FAM83A: variants seen among roughly 807,000 people sequenced by gnomAD.
The protein encoded by FAM83A is protein FAM83A.
FAM83A carries 21 observed loss-of-function variants against 24.4 expected under a neutral mutation model. That is an observed-to-expected ratio of 0.86 (90% CI 0.61 to 1.24). The LOEUF (loss-of-function observed/expected upper bound fraction) is 1.24, where lower values mean the gene tolerates loss of function less well. Among genes scored for constraint, FAM83A ranks in the 50% most tolerant of loss-of-function variants. The pLI is 0.00. For synonymous variants in FAM83A, 270 were observed against 252.4 expected, an observed-to-expected ratio of 1.07 and a Z score of -0.66; for missense variants, 617 against 579.8, an observed-to-expected ratio of 1.06 and a Z score of -0.66.
chr8:123,208,636 TG>T, exon 4 of FAM83A: 1 of 985,540 alleles, frequency 1.0e-6, no homozygotes, highest in Non-Finnish European at 1.2e-6. Flanking sequence ...TCTTTGTTTC[TG>T]GGGTGGAACT....
chr8:123,183,344 TG>T lies in FAM83A; in HGVS notation c.480+10del. The stretch of plus-strand genomic sequence containing the variant: ...ATCACCCGGACTAGCCAGGTACCGA[TG>T]GCAAAGCCCCTGTCTCCGTGGCCAA... On this transcript the variant is annotated intron_variant, in intron 1 of 3. Transcript: ENST00000690554. 6.2e-7 allele frequency: 1 copy of T among 1,604,064 alleles called. No homozygotes were observed. Among genetic ancestry groups the T allele is most frequent in the Non-Finnish European group, 8.5e-7 (1 of 1,173,852 alleles).
At chr8:123,199,463 G>A (rs896239086) in intron 3 of FAM83A, among the ~76,000 whole-genome samples, 22 of 152,086 alleles carry the variant, frequency 1.4e-4, no homozygotes, top group Admixed American at 3.9e-4. Context: ...GACCAGGCGC[G>A]GTGGCTCACG....
chr8:123,203,606 A>AG (rs1419501853), intron 3 of FAM83A, among the ~76,000 whole-genome samples: 1 of 148,448 alleles, frequency 6.7e-6, no homozygotes, highest in Non-Finnish European at 1.5e-5. Context: ...AAAAAAAAAA[A>AG]AAGTAAGAAA....
chr8:123,206,892 C>G (rs1824568312), intron 3 of FAM83A, among the ~76,000 whole-genome samples: 1 of 152,022 alleles, frequency 6.6e-6, no homozygotes, highest in Non-Finnish European at 1.5e-5. Flanking sequence ...GGGCCTGGGC[C>G]GGCGAAGCCT....
At chr8:123,207,968 T>C in exon 4 of FAM83A, 2 of 1,215,970 alleles carry the variant, frequency 1.6e-6, no homozygotes, top group Non-Finnish European at 2.0e-6. Context: ...AGAGTCCCTG[T>C]CTTCCAGAGA....
At chr8:123,207,351 G>A (rs1433945291) in exon 4 of FAM83A, 1 of 1,611,464 alleles carries the variant, frequency 6.2e-7, no homozygotes, top group African/African-American at 1.3e-5. Flanking sequence ...AGCAGCAGCA[G>A]TGGCTCCGCC....
chr8:123,209,282 C>T lies in FAM83A; in HGVS notation c.*1594C>T, dbSNP rs1453134402. ...CCCCTGACGGCCTGTGGCATCCTCC[C>T]TAGTCCCCTCTGCCCATCCATCCCT... is the stretch of plus-strand genomic sequence containing the variant. On this transcript the variant is annotated 3_prime_UTR_variant, in exon 4 of 4. Transcript: ENST00000690554. This position sits in a 1 kb window ranked among gnomAD's most constrained non-coding sequence, Gnocchi z 4.7. 3.0e-6 allele frequency: 4 copies of T among 1,350,036 alleles called. No homozygotes were observed. Among genetic ancestry groups the T allele is most frequent in the Non-Finnish European group, 3.8e-6 (4 of 1,060,086 alleles). 83.6% of individuals were successfully genotyped at this position (1,350,036 alleles called of 1,614,324 possible).
chr8:123,183,603 C>T (rs761274940), intron 1 of FAM83A, among the ~76,000 whole-genome samples: 4 of 152,058 alleles, frequency 2.6e-5, no homozygotes, highest in African/African-American at 7.2e-5. Flanking sequence ...TGATCCCCAG[C>T]GTCACAGTCT....
chr8:123,194,204 G>A, intron 3 of FAM83A, 56 bp downstream of exon 3: 1 of 1,602,170 alleles, frequency 6.2e-7, no homozygotes, highest in Non-Finnish European at 8.5e-7. Flanking sequence ...GGCTGAGTGA[G>A]GTGCAGACCA....
chr8:123,207,553 C>T (rs1824601793), exon 4 of FAM83A: 2 of 1,543,414 alleles, frequency 1.3e-6, no homozygotes, highest in Non-Finnish European at 8.7e-7. Flanking sequence ...CGCGGCCCCA[C>T]GACGGCCCGC....
At position 123,207,480 on chromosome 8, in the gene FAM83A, C is replaced by A. The variant is rs777524763; in HGVS notation, c.1097C>A (p.Pro366Gln). ...CCCGCGGCCCCACACCCGCCTCCAC[C>A]GCCCCGGTTCCAGCCCCACCAAGGC... The change falls in exon 4 of 4, where the codon CCG (proline) becomes CAG (glutamine). Residue 366 changes from proline (P) to glutamine (Q), a missense_variant. Coordinates refer to ENST00000690554, the Ensembl canonical transcript of FAM83A. 3.2e-6 allele frequency: 5 copies of A among 1,585,172 alleles called. No homozygotes were observed. The highest frequency in any genetic ancestry group is 1.3e-5 in the African/African-American group (1 of 74,546).
chr8:123,189,120 A>C (rs999961802), intron 1 of FAM83A, among the ~76,000 whole-genome samples: 1 of 152,270 alleles, frequency 6.6e-6, no homozygotes, highest in Non-Finnish European at 1.5e-5. Context: ...AAACAGGGAA[A>C]GCCTAAGCTG....
exon 4 of FAM83A, chr8:123,207,471 C>A (rs766852340): frequency 1.6e-5 from 26 of 1,587,132 alleles, no homozygotes; most frequent in Non-Finnish European, 2.1e-5. Flanking sequence ...GCCCCACACC[C>A]GCCTCCACCG....
At chr8:123,205,243 A>G (rs1476747501) in intron 3 of FAM83A, among the ~76,000 whole-genome samples, 1 of 152,176 alleles carries the variant, frequency 6.6e-6, no homozygotes, top group Non-Finnish European at 1.5e-5. Flanking sequence ...AGGAGTTGCC[A>G]GGAAGTCTTT....
intron 3 of FAM83A, among the ~76,000 whole-genome samples, chr8:123,195,167 G>C (rs1184966573): frequency 6.6e-6 from 1 of 152,198 alleles, no homozygotes; most frequent in African/African-American, 2.4e-5. Flanking sequence ...GAGTGCAGAG[G>C]AGGGCAACTG....
chr8:123,197,869 C>T (rs71514800), intron 3 of FAM83A, among the ~76,000 whole-genome samples: 26,284 of 152,190 alleles, frequency 0.17, 2,523 homozygotes, highest in Admixed American at 0.24. Context: ...GTGGCTCACG[C>T]CTGTAATCCC....
At chr8:123,206,431 C>T (rs966244158) in intron 3 of FAM83A, among the ~76,000 whole-genome samples, 1 of 152,200 alleles carries the variant, frequency 6.6e-6, no homozygotes, top group African/African-American at 2.4e-5. Context: ...CGTGAAAACA[C>T]AGTCCGGCTT....
At chr8:123,193,905 C>G (rs1824057906) in intron 2 of FAM83A, 119 bp from the exon 3 acceptor site, 1 of 1,288,408 alleles carries the variant, frequency 7.8e-7, no homozygotes, top group Non-Finnish European at 1.1e-6. Context: ...TACCGTCACC[C>G]TGGGGATTAG....
chr8:123,199,691 A>G (rs1824283021), intron 3 of FAM83A, among the ~76,000 whole-genome samples: 1 of 152,050 alleles, frequency 6.6e-6, no homozygotes, highest in Non-Finnish European at 1.5e-5. Context: ...CCAAGATTGC[A>G]CCATTGCACT....
Sources: gnomAD v4.1 joint callset for allele counts (sites outside exome capture counted in the v4.1 genomes callset) on GRCh38, gnomAD v4.1.1 for gene constraint, Gnocchi (gnomAD v3.1) non-coding constraint, MANE v1.5 for transcripts, NCBI Gene and HGNC (gene_info 2026-07-23, HGNC 2026-07-21) for gene names.